CDH13: variants seen among roughly 807,000 people sequenced by gnomAD.
CDH13 encodes the protein cadherin 13.
In CDH13, 24 loss-of-function variants were observed where a neutral mutation model predicts 63.8. The observed-to-expected ratio is 0.38, with a 90% CI of 0.27 to 0.53. The LOEUF (loss-of-function observed/expected upper bound fraction) is 0.53. CDH13 is among the 20% of genes least tolerant of loss of function. CDH13 has a pLI of 0.85. For missense variants in CDH13, 1,049 were observed against 903.1 expected (o/e 1.16, Z -2.07); for synonymous variants, 503 against 355.3 (o/e 1.42, Z -4.67).
At chr16:83,319,873 C>T (rs1273821075) in intron 5 of CDH13, among the ~76,000 whole-genome samples, 1 of 152,158 alleles carries the variant, frequency 6.6e-6, no homozygotes, top group East Asian at 1.9e-4. Flanking sequence ...AGTTCTTCAC[C>T]TGCTCGTTCA....
chr16:82,851,027 A>C (rs960962657), intron 1 of CDH13, among the ~76,000 whole-genome samples: 6 of 152,212 alleles, frequency 3.9e-5, no homozygotes, highest in African/African-American at 1.4e-4. Flanking sequence ...CCGAACCTGC[A>C]GTATCTCCGA....
chr16:83,397,856 C>T (rs1005638480), intron 6 of CDH13: 1 of 152,162 alleles, frequency 6.6e-6, no homozygotes, highest in Non-Finnish European at 1.5e-5. Context: ...GCTAAAGAAA[C>T]ATTTGTTATA....
intron 2 of CDH13, among the ~76,000 whole-genome samples, chr16:82,964,868 ATG>A: frequency 6.6e-6 from 1 of 152,282 alleles, no homozygotes; most frequent in Non-Finnish European, 1.5e-5. Context: ...TGGTTAGGAC[ATG>A]GTGGCACTAA....
chr16:83,034,398 A>G (rs374899289), intron 3 of CDH13, among the ~76,000 whole-genome samples: 1 of 152,198 alleles, frequency 6.6e-6, no homozygotes, highest in South Asian at 2.1e-4. Context: ...CACGTCAGTC[A>G]TGTTTCAGAG....
chr16:82,675,870 C>G (rs769696004), intron 1 of CDH13, among the ~76,000 whole-genome samples: 1 of 152,174 alleles, frequency 6.6e-6, no homozygotes, highest in African/African-American at 2.4e-5. Flanking sequence ...ATTGCTCTTT[C>G]CGCGCTAAGC....
intron 10 of CDH13, among the ~76,000 whole-genome samples, chr16:83,731,487 C>G (rs759877467): frequency 1.3e-5 from 2 of 152,176 alleles, no homozygotes; most frequent in Non-Finnish European, 2.9e-5. Flanking sequence ...CTGTTCATGT[C>G]TTTGACCATT....
chr16:83,166,913 A>G (rs10048107), intron 4 of CDH13, among the ~76,000 whole-genome samples: 152,219 of 152,224 alleles, frequency 1, 76,107 homozygotes, highest in Non-Finnish European at 1. Flanking sequence ...AAATTACAGC[A>G]GTTGCCTGTT....
In CDH13 at chr16:82,644,838, T is replaced by A. The variant is rs7197543; in HGVS notation, c.45+17701T>A. Among the ~76,000 whole-genome samples the A allele has an allele frequency of 0.068, 10,410 of 152,182 alleles. 489 individuals are homozygous for A. Among genetic ancestry groups the A allele is most frequent in the East Asian group, 0.14 (708 of 5,166 alleles). ...GTCCTCCCTGGTCAGTTTTCCAGCATAGCGTTTTGCAAAATGTGTTCTGAA... is the reference window on the plus strand; with the variant it reads ...GTCCTCCCTGGTCAGTTTTCCAGCAAAGCGTTTTGCAAAATGTGTTCTGAA... On this transcript the variant is annotated intron_variant, in intron 1 of 13. Transcript: ENST00000567109. This position sits in a 1 kb window ranked among gnomAD's most constrained non-coding sequence, Gnocchi z 5.7.
Position 83,656,695 on chromosome 16 carries a change from TTGAA to T in CDH13, c.1102-14091_1102-14088del, listed in dbSNP as rs1912903960. Among the ~76,000 whole-genome samples, 5 of 152,348 alleles carry T rather than the reference TTGAA, an allele frequency of 3.3e-5. No homozygotes were observed. In the South Asian group the frequency reaches 1.0e-3, roughly 32 times the overall value. On this transcript the variant is annotated intron_variant, in intron 8 of 13. Coordinates refer to ENST00000567109, the MANE Select transcript of CDH13 (RefSeq NM_001257.5). ...ATTTCCTGTGGGAAAGTAGACATCT[TTGAA>T]TGACTGCACAGAGAATCGTGGTCTT...
At chr16:83,534,580 T>A (rs1052229763) in intron 7 of CDH13, among the ~76,000 whole-genome samples, 1 of 152,238 alleles carries the variant, frequency 6.6e-6, no homozygotes, top group African/African-American at 2.4e-5. Flanking sequence ...CTTTTGCGAT[T>A]GGCCCCTGTC....
chr16:83,173,612 G>C (rs768973098), intron 4 of CDH13, among the ~76,000 whole-genome samples: 1 of 152,082 alleles, frequency 6.6e-6, no homozygotes, highest in Non-Finnish European at 1.5e-5. Context: ...TAAAGAATTT[G>C]TGTTTGTTTA....
intron 6 of CDH13, among the ~76,000 whole-genome samples, chr16:83,373,025 A>C (rs553403763): frequency 5.3e-5 from 8 of 152,332 alleles, no homozygotes; most frequent in Admixed American, 5.2e-4. Context: ...TAAATAGTTT[A>C]TCGTCATATC....
At chr16:83,051,816 T>G (rs1203294999) in intron 3 of CDH13, among the ~76,000 whole-genome samples, 1 of 152,246 alleles carries the variant, frequency 6.6e-6, no homozygotes, top group Non-Finnish European at 1.5e-5. Context: ...TTCAAATCCC[T>G]GTAGGAAACA....
At chr16:83,472,964 A>G (rs2073496919) in intron 6 of CDH13, among the ~76,000 whole-genome samples, 1 of 152,116 alleles carries the variant, frequency 6.6e-6, no homozygotes, top group African/African-American at 2.4e-5. Flanking sequence ...CACGGTGGAG[A>G]GAAATGAATC....
At chr16:82,851,401 C>T (rs1056541416) in intron 1 of CDH13, among the ~76,000 whole-genome samples, 1 of 148,080 alleles carries the variant, frequency 6.8e-6, no homozygotes, top group East Asian at 2.0e-4. Flanking sequence ...CACCTCTGCA[C>T]TCCAGCCTGG....
intron 1 of CDH13, among the ~76,000 whole-genome samples, chr16:82,754,466 G>C (rs953392333): frequency 7.2e-5 from 11 of 152,114 alleles, no homozygotes; most frequent in African/African-American, 2.7e-4. Context: ...TTTCTAACCA[G>C]CTTCCTATTT....
chr16:83,134,679 T>C (rs2151663324), intron 4 of CDH13, among the ~76,000 whole-genome samples: 1 of 152,304 alleles, frequency 6.6e-6, no homozygotes. Flanking sequence ...ATAACTTTTA[T>C]CTTTTTTCAC....
At chr16:82,648,866 C>T (rs1025549437) in intron 1 of CDH13, among the ~76,000 whole-genome samples, 6 of 152,064 alleles carry the variant, frequency 3.9e-5, no homozygotes, top group Non-Finnish European at 8.8e-5. Context: ...AATCTGGGGG[C>T]AGTGTGGAAG....
At chr16:83,349,821 G>A (rs1027174227) in intron 6 of CDH13, among the ~76,000 whole-genome samples, 2 of 152,064 alleles carry the variant, frequency 1.3e-5, no homozygotes, top group Non-Finnish European at 2.9e-5. Flanking sequence ...GGCTGGTCTT[G>A]AACTCCTGAC....
Sources: allele counts gnomAD v4.1 joint callset (sites outside exome capture counted in the v4.1 genomes callset), GRCh38; gene constraint gnomAD v4.1.1; non-coding constraint Gnocchi (gnomAD v3.1); transcripts MANE v1.5; gene names NCBI Gene and HGNC (gene_info 2026-07-23, HGNC 2026-07-21).